Variants in ZNF254 observed in about 807,000 individuals in gnomAD.
ZNF254 encodes the protein CTD-2017D11.1.
A neutral mutation model predicts 12.4 loss-of-function variants in ZNF254; 10 were observed. The observed-to-expected ratio is 0.80, with a 90% CI of 0.50 to 1.36. The LOEUF is 1.36. ZNF254 is among the 40% of genes most tolerant of loss of function. The pLI is 0.00. For synonymous variants in ZNF254, 305 were observed against 253.4 expected (o/e 1.20, Z -1.93); for missense variants, 996 against 763.9 (o/e 1.30, Z -3.58).
At chr19:24,036,262 G>T (rs1969963652) in intron 1 of ZNF254, among the ~76,000 whole-genome samples, 6 of 151,846 alleles carry the variant, frequency 4.0e-5, no homozygotes, top group Admixed American at 3.9e-4. Context: ...GTAGAGACGC[G>T]GTTTCACCGT....
At chr19:24,038,398 T>C (rs1434904671) in intron 1 of ZNF254, among the ~76,000 whole-genome samples, 4 of 152,228 alleles carry the variant, frequency 2.6e-5, no homozygotes, top group Non-Finnish European at 4.4e-5. Flanking sequence ...GTTCTTCTAC[T>C]TGAGAACTAA....
chr19:24,102,672 CAT>C (rs893727994), intron 1 of ZNF254, among the ~76,000 whole-genome samples: 15 of 152,190 alleles, frequency 9.9e-5, no homozygotes, highest in African/African-American at 3.6e-4. Context: ...GGAAAAATAA[CAT>C]GTATTATAGG....
In ZNF254 at chr19:24,129,420, G is replaced by A. The variant is rs1182331188; in HGVS notation, c.*1440G>A. On this transcript the variant is annotated 3_prime_UTR_variant, in exon 4 of 4. Transcript: ENST00000357002. ...TTACTCAAGGATGTAGGTAAAAGAT[G>A]GTAACAATACACTATTTGGTAAGAT... The A allele has an allele frequency of 6.6e-6, 1 of 151,956 alleles. No individual in the cohort carries two copies. Among genetic ancestry groups the A allele is most frequent in the East Asian group, 1.9e-4 (1 of 5,198 alleles). 9.4% of individuals were successfully genotyped at this position (151,956 alleles called of 1,614,324 possible). A position where few individuals can be genotyped will look rare whatever the true frequency, so the allele number is the denominator to read the frequency against.
At chr19:24,062,848 T>C (rs1341427414) in intron 2 of ZNF254, among the ~76,000 whole-genome samples, 1 of 152,234 alleles carries the variant, frequency 6.6e-6, no homozygotes, top group Non-Finnish European at 1.5e-5. Context: ...TTACCGAGGC[T>C]GGAGAGCAGT....
intron 2 of ZNF254, among the ~76,000 whole-genome samples, chr19:24,081,383 A>C (rs1214370386): frequency 6.6e-6 from 1 of 152,184 alleles, no homozygotes; most frequent in Non-Finnish European, 1.5e-5. Flanking sequence ...GGAGTTCTAT[A>C]AGCCAAAAGA....
chr19:24,056,708 G>A (rs928152766), intron 2 of ZNF254, among the ~76,000 whole-genome samples: 1 of 152,130 alleles, frequency 6.6e-6, no homozygotes, highest in African/African-American at 2.4e-5. Context: ...CAGAAATCAG[G>A]TGATGTGTTT....
At chr19:24,052,071 A>G (rs564890766) in intron 2 of ZNF254, among the ~76,000 whole-genome samples, 1 of 152,152 alleles carries the variant, frequency 6.6e-6, no homozygotes, top group East Asian at 1.9e-4. Flanking sequence ...GGCCCTCCAC[A>G]TAAGGGGTAG....
chr19:24,081,241 G>A (rs931723892), intron 2 of ZNF254, among the ~76,000 whole-genome samples: 1 of 152,006 alleles, frequency 6.6e-6, no homozygotes, highest in Non-Finnish European at 1.5e-5. Context: ...CAGTGACTTC[G>A]GTTTTCTTAC....
intron 2 of ZNF254, among the ~76,000 whole-genome samples, chr19:24,050,353 T>C (rs141732470): frequency 0.031 from 4,645 of 152,154 alleles, 122 homozygotes; most frequent in South Asian, 0.047. Flanking sequence ...AGAGACAAGA[T>C]ATCACCCTGT....
intron 2 of ZNF254, among the ~76,000 whole-genome samples, chr19:24,047,113 C>T (rs1970420102): frequency 6.6e-6 from 1 of 152,102 alleles, no homozygotes; most frequent in Admixed American, 6.5e-5. Flanking sequence ...AAGTGATCCT[C>T]ATGCCTCGGC....
chr19:24,111,623 T>A (rs534596422), intron 3 of ZNF254, among the ~76,000 whole-genome samples: 26 of 152,386 alleles, frequency 1.7e-4, no homozygotes, highest in African/African-American at 5.3e-4. Flanking sequence ...TGTTGTTTCC[T>A]GACTTTTTAA....
At chr19:24,091,206 A>C (rs1009725241) in intron 1 of ZNF254, among the ~76,000 whole-genome samples, 1 of 151,590 alleles carries the variant, frequency 6.6e-6, no homozygotes, top group African/African-American at 2.4e-5. Context: ...GGGCCTCCCA[A>C]AGTGCTGGGA....
intron 2 of ZNF254, among the ~76,000 whole-genome samples, chr19:24,070,325 A>G (rs143320936): frequency 1.5e-3 from 226 of 152,342 alleles, no homozygotes; most frequent in Admixed American, 2.4e-3. Context: ...TGACATTGTG[A>G]TGCTGGTTTT....
chr19:24,078,052 G>A (rs893735673), intron 2 of ZNF254, among the ~76,000 whole-genome samples: 3 of 152,166 alleles, frequency 2.0e-5, no homozygotes, highest in African/African-American at 7.2e-5. Flanking sequence ...GTTGTTGTTT[G>A]TTTTGAGACG....
chr19:24,128,212 G>A lies in ZNF254; in HGVS notation c.*232G>A, dbSNP rs1398570563. Reference sequence around the variant, plus strand: ...TAATTCATACTGGAGAAAACTACCAGTGTGAACAACGTGGCCAAGCTTCGA... The same window carrying A: ...TAATTCATACTGGAGAAAACTACCAATGTGAACAACGTGGCCAAGCTTCGA... On this transcript the variant is annotated 3_prime_UTR_variant, in exon 4 of 4. Transcript: ENST00000357002. 2 of 454,660 alleles carry A rather than the reference G, an allele frequency of 4.4e-6. No individual in the cohort carries two copies. Among genetic ancestry groups the A allele is most frequent in the Non-Finnish European group, 7.5e-6 (2 of 267,490 alleles). 28.2% of individuals were successfully genotyped at this position (454,660 alleles called of 1,614,324 possible).
intron 2 of ZNF254, among the ~76,000 whole-genome samples, chr19:24,075,554 CAG>C (rs1475553400): frequency 6.6e-6 from 1 of 152,012 alleles, no homozygotes; most frequent in African/African-American, 2.4e-5. Flanking sequence ...GTGTGGGTCA[CAG>C]AGATCACATG....
intron 2 of ZNF254, among the ~76,000 whole-genome samples, chr19:24,071,740 T>C (rs1296611661): frequency 6.6e-6 from 1 of 151,984 alleles, no homozygotes; most frequent in African/African-American, 2.4e-5. Flanking sequence ...CAAGGAGGGA[T>C]TGTGATGTAT....
chr19:24,060,178 C>T (rs1971015105), intron 2 of ZNF254, among the ~76,000 whole-genome samples: 1 of 152,192 alleles, frequency 6.6e-6, no homozygotes, highest in African/African-American at 2.4e-5. Flanking sequence ...ACATTCCTGC[C>T]AGGCCACTGC....
At chr19:24,072,960 TGATGACACTAATACC>T (rs1971532960) in intron 2 of ZNF254, among the ~76,000 whole-genome samples, 1 of 152,198 alleles carries the variant, frequency 6.6e-6, no homozygotes, top group Non-Finnish European at 1.5e-5. Context: ...ACAGTTGTGG[TGATGACACTAATACC>T]ACAAACCAGC....
Sources: gnomAD v4.1 joint callset for allele counts (sites outside exome capture counted in the v4.1 genomes callset) on GRCh38, gnomAD v4.1.1 for gene constraint, MANE v1.5 for transcripts, NCBI Gene and HGNC (gene_info 2026-07-23, HGNC 2026-07-21) for gene names.